The following PDLIM2 variants were observed in gnomAD, a reference collection of about 807,000 sequenced individuals.
PDLIM2 encodes the protein PDZ and LIM domain protein 2.
In PDLIM2, 51 loss-of-function variants were observed where a neutral mutation model predicts 54.1. That is an observed-to-expected ratio of 0.94 (90% CI 0.75 to 1.19). The LOEUF (loss-of-function observed/expected upper bound fraction) is 1.19. Ranked by LOEUF, PDLIM2 falls within the 50% of genes most tolerant of loss-of-function variation. PDLIM2 has a pLI of 0.00. For synonymous variants in PDLIM2, 398 were observed against 385.6 expected (o/e 1.03, Z -0.38); for missense variants, 912 against 874.0 (o/e 1.04, Z -0.55).
At position 22,593,746 on chromosome 8, in the gene PDLIM2, C is replaced by T. The variant is rs149693561; in HGVS notation, c.1645C>T (p.Arg549Cys). 33 of 1,590,810 alleles carry T rather than the reference C, an allele frequency of 2.1e-5. No homozygotes were observed. The African/African-American group carries it at 2.7e-4, about 13-fold the overall frequency. ...CCTCCCCTTCAGGAACCAGGCTGTG[C>T]GCATCCAGGAGGGCCGGTACCGCCA... The change falls in exon 10 of 10, where the codon CGC becomes TGC. Residue 549 changes from arginine to cysteine, a missense_variant. Arg to Cys is a radical substitution (Grantham distance 180, BLOSUM62 -3). Coordinates refer to ENST00000308354, the Ensembl canonical transcript of PDLIM2.
chr8:22,581,082 C>G (rs562482334), intron 2 of PDLIM2: 1 of 674,094 alleles, frequency 1.5e-6, no homozygotes. Flanking sequence ...CTGCAAGGTG[C>G]GATTTGCACG....
In PDLIM2 at chr8:22,589,582, C is replaced by G; in HGVS notation, c.1368-14C>G. The G allele has an allele frequency of 6.3e-7, 1 of 1,599,838 alleles. No homozygotes were observed. Among genetic ancestry groups the G allele is most frequent in the Non-Finnish European group, 8.5e-7 (1 of 1,173,782 alleles). On this transcript the variant is annotated splice_polypyrimidine_tract_variant and intron_variant, in intron 7 of 9. Coordinates refer to ENST00000308354, the Ensembl canonical transcript of PDLIM2. ...GCACGGGACCCTCATTCCTGGCTGC[C>G]TCCCACCCTGCAGCATGGACTCGGA...
Position 22,591,586 on chromosome 8 carries a change from C to T in PDLIM2, c.1549C>T (p.Pro517Ser), listed in dbSNP as rs773727950. The T allele has an allele frequency of 6.2e-6, 10 of 1,613,564 alleles. No individual in the cohort carries two copies. In the South Asian group the frequency reaches 9.9e-5, roughly 16 times the overall value. ...AGCCTTCTTGCCCAGCTCACTGAGC[C>T]CCCAGTCCTCCCTGCCCGCCTCCAG... is the stretch of plus-strand genomic sequence containing the variant. Residue 517 changes from proline to serine, a missense_variant, in exon 9 of 10, where the codon CCC becomes TCC. Transcript: ENST00000308354.
downstream of PDLIM2, chr8:22,594,348 G>C: frequency 6.8e-7 from 1 of 1,465,998 alleles, no homozygotes; most frequent in Non-Finnish European, 9.0e-7. Context: ...GGTATGACCT[G>C]CTCCCACCAC....
chr8:22,594,761 G>T, downstream of PDLIM2: 1 of 1,452,630 alleles, frequency 6.9e-7, no homozygotes. Flanking sequence ...TGGCTTCATT[G>T]GTGATTGATT....
intron 6 of PDLIM2, 154 bp from the exon 6 acceptor site, chr8:22,589,144 A>T (rs1800459230): frequency 1.7e-6 from 1 of 596,184 alleles, no homozygotes; most frequent in Non-Finnish European, 2.9e-6. Flanking sequence ...AGCCCCCGAC[A>T]CCTTGGCTCC....
chr8:22,589,385 GC>G lies in PDLIM2; in HGVS notation c.1367+15del. On this transcript the variant is annotated intron_variant, in intron 7 of 9. Coordinates refer to ENST00000308354, the Ensembl canonical transcript of PDLIM2. ...TTCCTCCAGGCCCAGGTACCAGCAG[GC>G]CCCGGAGGGTCGGGTTGGGGTCTTG... The G allele has an allele frequency of 6.5e-7, 1 of 1,535,734 alleles. No homozygotes were observed.
In PDLIM2 at chr8:22,580,842, G is replaced by A. The variant is rs1445069665; in HGVS notation, c.843+145G>A. The A allele has an allele frequency of 1.3e-4, 122 of 930,986 alleles. 2 individuals carry two copies. Among genetic ancestry groups the A allele is most frequent in the South Asian group, 5.8e-4 (41 of 70,742 alleles). The allele number at this position is 930,986 out of a possible 1,614,324, so 57.7% of individuals were successfully genotyped here. On this transcript the variant is annotated intron_variant, in intron 2 of 9. Coordinates refer to ENST00000308354, the Ensembl canonical transcript of PDLIM2. ...CTGGCGTGCTGGCTGTAAGGGAGCC[G>A]TGGCCCTTTGCCACGGGGATGTGGT...
At chr8:22,587,177 C>G (rs1800403709) in intron 6 of PDLIM2, among the ~76,000 whole-genome samples, 1 of 152,172 alleles carries the variant, frequency 6.6e-6, no homozygotes, top group Non-Finnish European at 1.5e-5. Flanking sequence ...ACGTTCTAGT[C>G]TACAAATGAG....
intron 1 of PDLIM2, chr8:22,579,704 G>C (rs1169119646): frequency 2.7e-6 from 2 of 738,536 alleles, no homozygotes; most frequent in South Asian, 5.1e-5. Flanking sequence ...CCCCAGGATG[G>C]GTGCTGGGCA....
chr8:22,580,487 G>A (rs935189949), intron 1 of PDLIM2: 44 of 1,570,358 alleles, frequency 2.8e-5, no homozygotes, highest in Non-Finnish European at 3.4e-5. Context: ...CTGAGTAGCT[G>A]CTCCGGGAGC....
At chr8:22,585,466 T>G in intron 6 of PDLIM2, 67 bp downstream of exon 5, 1 of 1,491,406 alleles carries the variant, frequency 6.7e-7, no homozygotes, top group Non-Finnish European at 9.1e-7. Flanking sequence ...GGGTTGCCAG[T>G]GCCCCGGGAC....
At chr8:22,581,463 A>G in exon 3 of PDLIM2, 1 of 1,607,258 alleles carries the variant, frequency 6.2e-7, no homozygotes, top group Non-Finnish European at 8.5e-7. Flanking sequence ...CGCGGAGGGC[A>G]TGCTGCATGC....
At chr8:22,581,999 T>G (rs1800218001) in intron 3 of PDLIM2, among the ~76,000 whole-genome samples, 1 of 152,244 alleles carries the variant, frequency 6.6e-6, no homozygotes, top group African/African-American at 2.4e-5. Flanking sequence ...AGAGGCTGTC[T>G]GTTCCTCCCC....
downstream of PDLIM2, chr8:22,594,492 C>T (rs1420697891): frequency 6.2e-7 from 1 of 1,613,400 alleles, no homozygotes; most frequent in Admixed American, 1.7e-5. Context: ...GGAGTCATGT[C>T]ATTCCTTAAC....
intron 6 of PDLIM2, among the ~76,000 whole-genome samples, chr8:22,585,934 C>T (rs1800369967): frequency 6.6e-6 from 1 of 151,872 alleles, no homozygotes; most frequent in Admixed American, 6.6e-5. Context: ...GCCAGCTCCC[C>T]TGGACTCTCT....
intron 3 of PDLIM2, 59 bp downstream of exon 2, chr8:22,581,589 T>A: frequency 6.6e-7 from 1 of 1,515,404 alleles, no homozygotes; most frequent in Non-Finnish European, 8.8e-7. Flanking sequence ...ACCCCACGTA[T>A]TGAGCAGCCC....
chr8:22,595,473 G>A (rs1247779592), downstream of PDLIM2: 1 of 152,238 alleles, frequency 6.6e-6, no homozygotes, highest in Non-Finnish European at 1.5e-5. Flanking sequence ...AATACAGAAA[G>A]ATACAGCACT....
exon 8 of PDLIM2, chr8:22,589,720 G>T: frequency 6.4e-7 from 1 of 1,569,396 alleles, no homozygotes; most frequent in Non-Finnish European, 8.6e-7. Flanking sequence ...CTTGCAGGAA[G>T]CCCTGGAGGC....
Sources: gnomAD v4.1 joint callset for allele counts (sites outside exome capture counted in the v4.1 genomes callset) on GRCh38, gnomAD v4.1.1 for gene constraint, MANE v1.5 for transcripts, NCBI Gene and HGNC (gene_info 2026-07-23, HGNC 2026-07-21) for gene names.